COL7A1: variants seen among roughly 807,000 people sequenced by gnomAD.
The protein encoded by COL7A1 is collagen type VII alpha 1 chain.
In COL7A1, 296 loss-of-function variants were observed where a neutral mutation model predicts 456.2. The ratio of observed to expected loss-of-function variants is 0.65; its 90% CI spans 0.59 to 0.71. COL7A1 has a LOEUF of 0.71. COL7A1 is among the 30% of genes least tolerant of loss of function. The pLI, the probability that COL7A1 is intolerant of heterozygous loss-of-function variation, is 0.00. For missense variants in COL7A1, 3,441 were observed against 4,017.2 expected (o/e 0.86, Z 3.88); for synonymous variants, 1,464 against 1,525.9 (o/e 0.96, Z 0.95).
rs1202386361 is a variant in COL7A1, at chr3:48,590,042, A to G, written c.2050+171T>C. Among the ~76,000 whole-genome samples, 1 of 152,054 alleles carries G rather than the reference A, an allele frequency of 6.6e-6. No homozygotes were observed. Among genetic ancestry groups the G allele is most frequent in the Non-Finnish European group, 1.5e-5 (1 of 67,990 alleles). On this transcript the variant is annotated intron_variant, in intron 16 of 118. Transcript: ENST00000681320. This position sits in a 1 kb window ranked among gnomAD's most constrained non-coding sequence, Gnocchi z 4.6. ...GGAATCTGAATACGGGGAGGGCTTA[A>G]GGGGAGACAGCTGAAACTGAAGAGG...
chr3:48,586,240 T>G lies in COL7A1; in HGVS notation c.3557A>C (p.Asn1186Thr), dbSNP rs1409376560. 6.2e-7 allele frequency: 1 copy of G among 1,613,676 alleles called. No individual in the cohort carries two copies. ...TCCAGCCATTCCCAACATCACCACA[T>G]TAAGCCCTAAGGTGGGGTCCAGTGG... ...PIREAQASGL[N>T]VVMLGMAGAD... Residue 1186 changes from asparagine to threonine, a missense_variant, in exon 28 of 119, where the codon AAT becomes ACT. Coordinates refer to ENST00000681320, the MANE Select transcript of COL7A1 (RefSeq NM_000094.4). This position sits in a 1 kb window ranked among gnomAD's most constrained non-coding sequence, Gnocchi z 5.1.
In COL7A1 at chr3:48,568,092, T is replaced by C. The variant is rs888816245; in HGVS notation, c.7873A>G (p.Lys2625Glu). The change falls in exon 106 of 119, where the codon AAG (lysine) becomes GAG (glutamate). Residue 2625 changes from lysine to glutamate, a missense_variant and splice_region_variant. By Grantham distance (56) the Lys-to-Glu change is moderately conservative. This residue lies in a region of COL7A1 where 2,084 missense variants were observed against 2,501.3 expected (regional missense o/e 0.83). Transcript: ENST00000681320. The surrounding 1 kb of genome is among the most constrained non-coding windows in gnomAD (Gnocchi z 5.2). Reference sequence around the variant, plus strand: ...AACCAATCTTGTTTCTTTCCTACCTTGAGGCCCCGGGGACCCATGAAGCCA... The same window carrying C: ...AACCAATCTTGTTTCTTTCCTACCTCGAGGCCCCGGGGACCCATGAAGCCA... ...DVGFMGPRGL[K>E]GERGVKGACG... is the part of the protein sequence containing the mutation. 1 of 1,614,180 alleles carries C rather than the reference T, an allele frequency of 6.2e-7. No homozygotes were observed. Among genetic ancestry groups the C allele is most frequent in the Non-Finnish European group, 8.5e-7 (1 of 1,180,010 alleles).
chr3:48,567,548 A>G lies in COL7A1; in HGVS notation c.8046+26T>C, dbSNP rs2043661501. On this transcript the variant is annotated intron_variant, in intron 109 of 118. Coordinates refer to ENST00000681320, the MANE Select transcript of COL7A1 (RefSeq NM_000094.4). This position sits in a 1 kb window ranked among gnomAD's most constrained non-coding sequence, Gnocchi z 4.3. ...CCCTGCCCCATCCTGACTCCCTGTC[A>G]TGTCCACTGTCCACAGACCCTGTAC... 1.2e-6 allele frequency: 2 copies of G among 1,613,982 alleles called. No homozygotes were observed. The highest frequency in any genetic ancestry group is 1.6e-4 in the Middle Eastern group (1 of 6,062).
chr3:48,570,868 C>T lies in COL7A1; in HGVS notation c.7265G>A (p.Gly2422Glu), dbSNP rs1386067025. 7 of 1,611,668 alleles carry T rather than the reference C, an allele frequency of 4.3e-6. No individual in the cohort carries two copies. The highest frequency in any genetic ancestry group is 5.9e-6 in the Non-Finnish European group (7 of 1,179,172). ...RGEMGQPGPS[G>E]ERGLAGPPGR... ...CTGTTCCCAGCCCCTCACCCGCTCT[C>T]CACTAGGGCCTGGCTGACCCATCTC... Residue 2422 changes from glycine (G) to glutamate (E), a missense_variant, in exon 95 of 119, where the codon GGA becomes GAA. Transcript: ENST00000681320. The surrounding 1 kb of genome is among the most constrained non-coding windows in gnomAD (Gnocchi z 5.5).
rs563960487 is a variant in COL7A1, at chr3:48,584,380, T to G, written c.4120-5A>C. On this transcript the variant is annotated splice_region_variant and splice_polypyrimidine_tract_variant and intron_variant, in intron 36 of 118. Transcript: ENST00000681320. ...TCCACGAGGTCCAGGGGGGCCCTGA[T>G]GGAGGAGACAAAGTATAAGGTGCAA... is the stretch of plus-strand genomic sequence containing the variant. The G allele has an allele frequency of 2.5e-6, 4 of 1,613,724 alleles. No homozygotes were observed. The highest frequency in any genetic ancestry group is 2.5e-6 in the Non-Finnish European group (3 of 1,179,818).
Position 48,591,902 on chromosome 3 carries a change from C to T in COL7A1, c.1353G>A (p.Glu451=), listed in dbSNP as rs1316903041. 6.2e-7 allele frequency: 1 copy of T among 1,614,212 alleles called. No individual in the cohort carries two copies. The highest frequency in any genetic ancestry group is 8.5e-7 in the Non-Finnish European group (1 of 1,180,048). The part of the protein sequence containing the change: ...ARGYRLEWRR[E]TGLEPPQKVV... Reference sequence around the variant, plus strand: ...CATCCCTTCCCCCGCACTGACCAGTCTCACGCCGCCATTCCAACCGGTAGC... The same window carrying T: ...CATCCCTTCCCCCGCACTGACCAGTTTCACGCCGCCATTCCAACCGGTAGC... Residue 451 remains glutamate (E), a synonymous_variant, in exon 11 of 119, where the codon GAG becomes GAA. Coordinates refer to ENST00000681320, the MANE Select transcript of COL7A1 (RefSeq NM_000094.4). The surrounding 1 kb of genome is among the most constrained non-coding windows in gnomAD (Gnocchi z 7.0).
intron 65 of COL7A1, 97 bp from the exon 66 acceptor site, chr3:48,577,124 G>A: frequency 6.6e-7 from 1 of 1,509,708 alleles, no homozygotes; most frequent in Non-Finnish European, 9.2e-7. Flanking sequence ...CTGTATTTCT[G>A]TGCCTGTAGC....
Position 48,574,771 on chromosome 3 carries a change from G to A in COL7A1, c.6348+26C>T. On this transcript the variant is annotated intron_variant, in intron 77 of 118. Transcript: ENST00000681320. The surrounding 1 kb of genome is among the most constrained non-coding windows in gnomAD (Gnocchi z 5.0). ...GTCCCTAGTGCCATGGCAGAGGGTGGCCCCGAGCTGATTCCACACACTGAC... is the reference window on the plus strand; with the variant it reads ...GTCCCTAGTGCCATGGCAGAGGGTGACCCCGAGCTGATTCCACACACTGAC... 6.2e-7 allele frequency: 1 copy of A among 1,613,946 alleles called. No individual in the cohort carries two copies.
chr3:48,570,196 G>T lies in COL7A1; in HGVS notation c.7441-18C>A, dbSNP rs1560201285. 2 of 1,614,142 alleles carry T rather than the reference G, an allele frequency of 1.2e-6. No individual in the cohort carries two copies. Among genetic ancestry groups the T allele is most frequent in the Non-Finnish European group, 8.5e-7 (1 of 1,180,002 alleles). ...TCTTCACCCTGGATGGTGACATTAG[G>T]TTCATTGACTCAGAGGTTGGAAATC... On this transcript the variant is annotated intron_variant, in intron 98 of 118. Coordinates refer to ENST00000681320, the MANE Select transcript of COL7A1 (RefSeq NM_000094.4). The surrounding 1 kb of genome is among the most constrained non-coding windows in gnomAD (Gnocchi z 5.5).
intron 71 of COL7A1, 61 bp downstream of exon 71, chr3:48,576,188 G>A: frequency 1.9e-6 from 3 of 1,607,302 alleles, no homozygotes; most frequent in Non-Finnish European, 2.6e-6. Flanking sequence ...GAAGGGGATG[G>A]CAAGGTGGCC....
Position 48,590,905 on chromosome 3 carries a change from G to C in COL7A1, c.1637-89C>G, listed in dbSNP as rs2045648333. On this transcript the variant is annotated intron_variant, in intron 13 of 118. Coordinates refer to ENST00000681320, the MANE Select transcript of COL7A1 (RefSeq NM_000094.4). This position sits in a 1 kb window ranked among gnomAD's most constrained non-coding sequence, Gnocchi z 4.6. ...AGTGATGGACAGGGACGCAGAGTGA[G>C]AAGGGCCATGGGGGTGGGGATGTGG... The C allele has an allele frequency of 3.7e-6, 4 of 1,095,128 alleles. No individual in the cohort carries two copies. The allele number at this position is 1,095,128 out of a possible 1,614,324, so 67.8% of individuals were successfully genotyped here.
At chr3:48,576,479 G>T (rs375498080) in intron 69 of COL7A1, 43 bp downstream of exon 69, 1 of 1,612,736 alleles carries the variant, frequency 6.2e-7, no homozygotes, top group Non-Finnish European at 8.5e-7. Context: ...CCCCAGCCTG[G>T]TCAGCCCCCT....
Position 48,587,662 on chromosome 3 carries a change from G to A in COL7A1, c.2858-108C>T. The A allele has an allele frequency of 1.2e-6, 2 of 1,600,278 alleles. No homozygotes were observed. The highest frequency in any genetic ancestry group is 1.7e-6 in the Non-Finnish European group (2 of 1,168,544). ...TTGTCTTATTGAAGCATCATGGGAG[G>A]TCATGCTGGGGTCACCCAGGGTCAG... is the stretch of plus-strand genomic sequence containing the variant. On this transcript the variant is annotated intron_variant, in intron 22 of 118. Coordinates refer to ENST00000681320, the MANE Select transcript of COL7A1 (RefSeq NM_000094.4). This position sits in a 1 kb window ranked among gnomAD's most constrained non-coding sequence, Gnocchi z 6.1.
Position 48,580,248 on chromosome 3 carries a change from G to A in COL7A1, c.5097+52C>T. 5 of 1,594,798 alleles carry A rather than the reference G, an allele frequency of 3.1e-6. No individual in the cohort carries two copies. The highest frequency in any genetic ancestry group is 1.3e-5 in the African/African-American group (1 of 74,564). The stretch of plus-strand genomic sequence containing the variant: ...CTTGTGTGAAGGCACACTGGCAGCA[G>A]CGCCAGGGGACCCTCCATCCCTTCT... On this transcript the variant is annotated intron_variant, in intron 56 of 118. Transcript: ENST00000681320. This position sits in a 1 kb window ranked among gnomAD's most constrained non-coding sequence, Gnocchi z 4.5.
At chr3:48,584,599 G>T (rs753980920) in intron 35 of COL7A1, 43 bp from the exon 36 acceptor site, 2 of 1,612,876 alleles carry the variant, frequency 1.2e-6, no homozygotes, top group Middle Eastern at 1.7e-4. Flanking sequence ...GGCTATGGGG[G>T]CCTTGAGCTG....
chr3:48,579,688 G>T lies in COL7A1; in HGVS notation c.5155-20C>A, dbSNP rs2044592084. On this transcript the variant is annotated intron_variant, in intron 58 of 118. Transcript: ENST00000681320. The surrounding 1 kb of genome is among the most constrained non-coding windows in gnomAD (Gnocchi z 4.4). ...CTCTCCCTGTGGCAGAGATAAGCTT[G>T]CTGAGGAACAGCCTTGAAGCCAAGC... The T allele has an allele frequency of 6.2e-7, 1 of 1,613,618 alleles. No homozygotes were observed. Among genetic ancestry groups the T allele is most frequent in the Non-Finnish European group, 8.5e-7 (1 of 1,179,988 alleles).
In COL7A1 at chr3:48,574,969, G is replaced by A; in HGVS notation, c.6279+95C>T. The A allele has an allele frequency of 6.4e-7, 1 of 1,572,940 alleles. No homozygotes were observed. The highest frequency in any genetic ancestry group is 8.7e-7 in the Non-Finnish European group (1 of 1,145,318). On this transcript the variant is annotated intron_variant, in intron 76 of 118. Transcript: ENST00000681320. The surrounding 1 kb of genome is among the most constrained non-coding windows in gnomAD (Gnocchi z 5.0). ...GAGGGTTATAGGGTCAGAAATTCCA[G>A]GGTTATGGCACACACTACCATATTT...
In COL7A1 at chr3:48,566,835, C is replaced by T. The variant is rs2043628776; in HGVS notation, c.8226+72G>A. On this transcript the variant is annotated intron_variant, in intron 111 of 118. Coordinates refer to ENST00000681320, the MANE Select transcript of COL7A1 (RefSeq NM_000094.4). The surrounding 1 kb of genome is among the most constrained non-coding windows in gnomAD (Gnocchi z 5.9). ...AGCTTCAGAGGTTGGGGCAGGCAGG[C>T]TGGAAGATGGTTATGAGGTTGGAAG... 6.3e-7 allele frequency: 1 copy of T among 1,583,236 alleles called. No individual in the cohort carries two copies. Among genetic ancestry groups the T allele is most frequent in the Non-Finnish European group, 8.6e-7 (1 of 1,157,544 alleles).
rs2045247351 is a variant in COL7A1, at chr3:48,586,220, C to T, written c.3577G>A (p.Ala1193Thr). 1.2e-6 allele frequency: 2 copies of T among 1,613,628 alleles called. No individual in the cohort carries two copies. Among genetic ancestry groups the T allele is most frequent in the African/African-American group, 1.3e-5 (1 of 75,052 alleles). ...SGLNVVMLGMAGADPEQLRRL... is the reference protein window; with the variant it reads ...SGLNVVMLGMTGADPEQLRRL... ...CGCAGCTGCTCTGGGTCCGCTCCAG[C>T]CATTCCCAACATCACCACATTAAGC... Residue 1193 changes from alanine to threonine, a missense_variant, in exon 28 of 119, where the codon GCT becomes ACT. Ala to Thr is a moderately conservative substitution (Grantham distance 58). Transcript: ENST00000681320. This position sits in a 1 kb window ranked among gnomAD's most constrained non-coding sequence, Gnocchi z 5.1.
Sources: allele counts gnomAD v4.1 joint callset (sites outside exome capture counted in the v4.1 genomes callset), GRCh38; gene constraint gnomAD v4.1.1; regional missense constraint gnomAD v4.1.1; non-coding constraint Gnocchi (gnomAD v3.1); transcripts MANE v1.5; gene names NCBI Gene and HGNC (gene_info 2026-07-23, HGNC 2026-07-21).